SLC25A48: variants seen among roughly 807,000 people sequenced by gnomAD.
SLC25A48 encodes the protein CTC-321K16.1.
In SLC25A48, 29 loss-of-function variants were observed where a neutral mutation model predicts 32.2. That is an observed-to-expected ratio of 0.90 (90% confidence interval 0.67 to 1.23). The LOEUF is 1.23. SLC25A48 is among the 50% of genes most tolerant of loss of function. The pLI, the probability that SLC25A48 is intolerant of heterozygous loss-of-function variation, is 0.00. For missense variants in SLC25A48, 399 were observed against 422.7 expected (o/e 0.94, Z 0.49); for synonymous variants, 164 against 172.3 (o/e 0.95, Z 0.38).
chr5:135,857,685 A>G (rs1370389488), intron 4 of SLC25A48, among the ~76,000 whole-genome samples: 1 of 152,186 alleles, frequency 6.6e-6, no homozygotes, highest in Admixed American at 6.5e-5. Flanking sequence ...CCATGGTGGT[A>G]GGGAAATACA....
chr5:135,699,924 G>A (rs562443749), intron 3 of SLC25A48, among the ~76,000 whole-genome samples: 1 of 152,168 alleles, frequency 6.6e-6, no homozygotes, highest in Non-Finnish European at 1.5e-5. Flanking sequence ...TTTACCCAAT[G>A]AGGAGATGGA....
At chr5:135,879,645 C>G (rs1477333358) in intron 6 of SLC25A48, among the ~76,000 whole-genome samples, 2 of 131,504 alleles carry the variant, frequency 1.5e-5, no homozygotes, top group African/African-American at 5.6e-5. Flanking sequence ...TGTGTGTGTA[C>G]ATGTGAGAGA....
At chr5:135,795,194 G>A (rs920891858) in intron 3 of SLC25A48, among the ~76,000 whole-genome samples, 1 of 151,548 alleles carries the variant, frequency 6.6e-6, no homozygotes, top group African/African-American at 2.4e-5. Flanking sequence ...CCACCATGTG[G>A]TATTACTTCT....
intron 1 of SLC25A48, among the ~76,000 whole-genome samples, chr5:135,836,949 T>G (rs1758556088): frequency 6.8e-6 from 1 of 146,312 alleles, no homozygotes; most frequent in Non-Finnish European, 1.5e-5. Context: ...TTGCCCTTTT[T>G]TTGATATTAT....
In SLC25A48 at chr5:135,646,678, T is replaced by TATATATACACAC. The variant is rs966073970; in HGVS notation, c.-521+11723_-521+11724insTATATACACACA. Among the ~76,000 whole-genome samples the TATATATACACAC allele has an allele frequency of 1.9e-4, 26 of 136,772 alleles. 2 individuals carry two copies. The highest frequency in any genetic ancestry group is 7.1e-4 in the African/African-American group (26 of 36,486). 89.7% of individuals were successfully genotyped at this position (136,772 alleles called of 152,430 possible). On this transcript the variant is annotated intron_variant, in intron 3 of 10. Coordinates refer to the SLC25A48 transcript ENST00000646290. ...TTCCCATTATATATATATATATATA[T>TATATATACACAC]ACAATGGGAAGGACATAATGCTAAG...
chr5:135,835,179 A>G (rs1580941582), intron 1 of SLC25A48: 1 of 642,762 alleles, frequency 1.6e-6, no homozygotes, highest in South Asian at 1.5e-5. Context: ...GTCAAAGCCC[A>G]CAGCCAATGG....
chr5:135,753,543 T>G (rs568352471), intron 3 of SLC25A48, among the ~76,000 whole-genome samples: 3 of 151,986 alleles, frequency 2.0e-5, no homozygotes, highest in South Asian at 4.1e-4. Flanking sequence ...TGGGGTGTAC[T>G]GACAAGGTGT....
chr5:135,743,562 T>C (rs1298036814), intron 3 of SLC25A48, among the ~76,000 whole-genome samples: 1 of 152,162 alleles, frequency 6.6e-6, no homozygotes, highest in Non-Finnish European at 1.5e-5. Context: ...TATCTGTCAA[T>C]GAAACTATCT....
intron 3 of SLC25A48, among the ~76,000 whole-genome samples, chr5:135,786,864 C>T (rs11952718): frequency 0.012 from 1,877 of 151,232 alleles, 38 homozygotes; most frequent in African/African-American, 0.042. Flanking sequence ...TGGTAATAGT[C>T]TAAGAAAATG....
chr5:135,655,332 G>A (rs1022472545), intron 3 of SLC25A48, among the ~76,000 whole-genome samples: 4 of 152,172 alleles, frequency 2.6e-5, no homozygotes, highest in African/African-American at 9.7e-5. Context: ...CATGAGATAA[G>A]TGCTCTTCTG....
chr5:135,866,781 C>T (rs1761238089), intron 4 of SLC25A48, among the ~76,000 whole-genome samples: 1 of 152,368 alleles, frequency 6.6e-6, no homozygotes, highest in African/African-American at 2.4e-5. Context: ...CTGGGCCCTC[C>T]TCCACTTCCT....
intron 1 of SLC25A48, among the ~76,000 whole-genome samples, chr5:135,836,116 GACC>G (rs985244907): frequency 2.6e-5 from 4 of 152,334 alleles, no homozygotes; most frequent in South Asian, 4.2e-4. Context: ...TAAATAAGCA[GACC>G]ACCTTCGGTA....
rs180789987 is a variant in SLC25A48, at chr5:135,719,757, G to A, written c.-521+84801G>A. ...CCTGAGGTGGGCTGAGAAGGGGCTCGGATCAGCATACCTGTGGATTGCATC... is the reference window on the plus strand; with the variant it reads ...CCTGAGGTGGGCTGAGAAGGGGCTCAGATCAGCATACCTGTGGATTGCATC... On this transcript the variant is annotated intron_variant, in intron 3 of 10. Coordinates refer to the SLC25A48 transcript ENST00000646290. Among the ~76,000 whole-genome samples, 71 of 152,248 alleles carry A rather than the reference G, an allele frequency of 4.7e-4. 2 individuals are homozygous for A. The East Asian group carries it at 0.014, about 29-fold the overall frequency.
intron 3 of SLC25A48, among the ~76,000 whole-genome samples, chr5:135,673,669 A>T (rs943303811): frequency 4.6e-5 from 7 of 152,014 alleles, no homozygotes; most frequent in Non-Finnish European, 8.8e-5. Context: ...GCATGCCTTT[A>T]TATTTCCACA....
At chr5:135,657,776 C>T (rs1753288995) in intron 3 of SLC25A48, among the ~76,000 whole-genome samples, 2 of 152,210 alleles carry the variant, frequency 1.3e-5, no homozygotes, top group Non-Finnish European at 2.9e-5. Context: ...TGACAGCCAA[C>T]TGGAAGAAAT....
At chr5:135,656,269 A>G (rs1164771097) in intron 3 of SLC25A48, among the ~76,000 whole-genome samples, 2 of 150,806 alleles carry the variant, frequency 1.3e-5, no homozygotes, top group Non-Finnish European at 2.9e-5. Flanking sequence ...ATTGGCCAGC[A>G]CACGGGAAGG....
intron 1 of SLC25A48, among the ~76,000 whole-genome samples, chr5:135,627,063 G>A (rs745363648): frequency 6.6e-6 from 1 of 152,160 alleles, no homozygotes; most frequent in Non-Finnish European, 1.5e-5. Context: ...CCAGGATCAC[G>A]CAGAGGGAGG....
At chr5:135,846,445 G>A (rs1403468178) in intron 2 of SLC25A48, among the ~76,000 whole-genome samples, 2 of 152,202 alleles carry the variant, frequency 1.3e-5, no homozygotes, top group African/African-American at 2.4e-5. Flanking sequence ...TCTGGGGCAT[G>A]CATCTTGGCC....
chr5:135,766,273 T>G (rs1435159992), intron 3 of SLC25A48, among the ~76,000 whole-genome samples: 1 of 151,308 alleles, frequency 6.6e-6, no homozygotes, highest in Non-Finnish European at 1.5e-5. Context: ...GTTTGTAATA[T>G]CTGGGGAGTG....
Sources: gnomAD v4.1 joint callset for allele counts (sites outside exome capture counted in the v4.1 genomes callset) on GRCh38, gnomAD v4.1.1 for gene constraint, MANE v1.5 for transcripts, NCBI Gene and HGNC (gene_info 2026-07-23, HGNC 2026-07-21) for gene names.